The following SLC7A14 variants were observed in gnomAD, a reference collection of about 807,000 sequenced individuals.
The protein encoded by SLC7A14 is solute carrier family 7 member 14.
A neutral mutation model predicts 60.2 loss-of-function variants in SLC7A14; 37 were observed. The ratio of observed to expected loss-of-function variants is 0.61; its 90% CI spans 0.47 to 0.81. The LOEUF is 0.81. Among genes scored for constraint, SLC7A14 ranks in the 30% least tolerant of loss-of-function variants. SLC7A14 has a pLI of 0.00. For synonymous variants in SLC7A14, 399 were observed against 395.8 expected, an observed-to-expected ratio of 1.01 and a Z score of -0.10; for missense variants, 886 against 982.7, an observed-to-expected ratio of 0.90 and a Z score of 1.32.
rs143339509 is a variant in SLC7A14 at position 170,477,170 on chromosome 3, G to C, written c.1993+3119C>G. ...CCCTGGTGGGGTAGTAGGAGCCCCA[G>C]ATTTGAGCATGGGTATACTGAGTTT... On this transcript the variant is annotated intron_variant, in intron 7 of 7. Transcript: ENST00000231706. Among the ~76,000 whole-genome samples the C allele has an allele frequency of 8.0e-4, 122 of 152,356 alleles. 2 individuals are homozygous for C. The East Asian group carries it at 0.014, about 17-fold the overall frequency.
chr3:170,516,478 T>C (rs1713162078), intron 2 of SLC7A14, among the ~76,000 whole-genome samples: 1 of 151,896 alleles, frequency 6.6e-6, no homozygotes, highest in Admixed American at 6.6e-5. Context: ...ATCCCAGTAC[T>C]TTGGGAGGCT....
At position 170,480,394 on chromosome 3, in the gene SLC7A14, G is replaced by A; in HGVS notation, c.1888C>T (p.Pro630Ser). ...ENPKKLPYMA[P>S]CLPFVPAFAM... ...AAGGCAGGCACAAAGGGGAGGCAAG[G>A]GGCCATGTAGGGCAGCTTCTTGGGG... The change falls in exon 7 of 8, where the codon CCT (proline) becomes TCT (serine). Residue 630 changes from proline to serine, a missense_variant. By Grantham distance (74) the Pro-to-Ser change is moderately conservative. Coordinates refer to ENST00000231706, the MANE Select transcript of SLC7A14 (RefSeq NM_020949.3). 3 of 1,612,210 alleles carry A rather than the reference G, an allele frequency of 1.9e-6. No individual in the cohort carries two copies. The highest frequency in any genetic ancestry group is 1.7e-6 in the Non-Finnish European group (2 of 1,178,750).
At chr3:170,567,823 G>A (rs1714836272) in intron 1 of SLC7A14, among the ~76,000 whole-genome samples, 1 of 151,478 alleles carries the variant, frequency 6.6e-6, no homozygotes, top group Admixed American at 6.6e-5. Flanking sequence ...AGAAGTGTCT[G>A]TTCATGTCCT....
intron 4 of SLC7A14, among the ~76,000 whole-genome samples, chr3:170,497,087 C>CAAAAA (rs548290941): frequency 8.8e-4 from 83 of 94,042 alleles, no homozygotes; most frequent in East Asian, 1.7e-3. Context: ...TTATTTTGTC[C>CAAAAA]AAAAAAAAAA....
Position 170,525,530 on chromosome 3 carries a change from C to T in SLC7A14, c.304+1103G>A, listed in dbSNP as rs540778801. On this transcript the variant is annotated intron_variant, in intron 2 of 7. Transcript: ENST00000231706. The stretch of plus-strand genomic sequence containing the variant: ...CCTGGCTTCCTTCTCCTTGGGGGCT[C>T]GATGCCAGTTTGAGGTTTATCAAAT... 1.9e-3 allele frequency among the ~76,000 whole-genome samples: 283 copies of T among 152,138 alleles called. 1 individual carries two copies. The highest frequency in any genetic ancestry group is 3.3e-3 in the Non-Finnish European group (222 of 67,962).
intron 1 of SLC7A14, among the ~76,000 whole-genome samples, chr3:170,529,660 GC>G (rs200975666): frequency 7.9e-5 from 12 of 152,016 alleles, no homozygotes; most frequent in South Asian, 2.1e-4. Context: ...CTGAATCATG[GC>G]CCCCCCAAAT....
chr3:170,459,941 C>T lies in SLC7A14; in HGVS notation c.*7114G>A, dbSNP rs1739561172. The T allele has an allele frequency of 6.6e-6, 1 of 152,178 alleles. No individual in the cohort carries two copies. 9.4% of individuals were successfully genotyped at this position (152,178 alleles called of 1,614,324 possible). A position where few individuals can be genotyped will look rare whatever the true frequency, so the allele number is the denominator to read the frequency against. Reference sequence around the variant, plus strand: ...CTTTATGCATTTATTAAAATATACACATTTTGTTAAATTTAGAATTTTCCC... The same window carrying T: ...CTTTATGCATTTATTAAAATATACATATTTTGTTAAATTTAGAATTTTCCC... On this transcript the variant is annotated 3_prime_UTR_variant, in exon 8 of 8. Coordinates refer to ENST00000231706, the MANE Select transcript of SLC7A14 (RefSeq NM_020949.3).
chr3:170,471,246 G>GCC (rs1739899622), intron 7 of SLC7A14, among the ~76,000 whole-genome samples: 1 of 152,264 alleles, frequency 6.6e-6, no homozygotes, highest in African/African-American at 2.4e-5. Flanking sequence ...GTCTCCCCAT[G>GCC]CCCTAATCCA....
intron 1 of SLC7A14, among the ~76,000 whole-genome samples, chr3:170,549,462 C>A (rs577189694): frequency 6.6e-6 from 1 of 152,156 alleles, no homozygotes; most frequent in African/African-American, 2.4e-5. Context: ...ATTGCACCCG[C>A]CTCGGCCTCC....
At chr3:170,552,959 C>G (rs914838955) in intron 1 of SLC7A14, among the ~76,000 whole-genome samples, 1 of 152,198 alleles carries the variant, frequency 6.6e-6, no homozygotes, top group African/African-American at 2.4e-5. Flanking sequence ...CACTGCCCCT[C>G]TACCAGGTAT....
At chr3:170,543,177 G>T (rs1714071304) in intron 1 of SLC7A14, among the ~76,000 whole-genome samples, 1 of 152,138 alleles carries the variant, frequency 6.6e-6, no homozygotes, top group African/African-American at 2.4e-5. Flanking sequence ...CTGAAGCTCA[G>T]GTTGATGACA....
intron 5 of SLC7A14, among the ~76,000 whole-genome samples, chr3:170,484,881 C>G (rs13082582): frequency 0.45 from 68,089 of 151,904 alleles, 17,673 homozygotes; most frequent in Non-Finnish European, 0.58. Context: ...TGAGCCTCCT[C>G]CAGCTTCAGG....
rs957573051 is a variant in SLC7A14, at chr3:170,501,770, G to A, written c.305-425C>T. 3.0e-4 allele frequency among the ~76,000 whole-genome samples: 46 copies of A among 152,234 alleles called. 1 individual carries two copies. Among genetic ancestry groups the A allele is most frequent in the African/African-American group, 1.9e-4 (8 of 41,454 alleles). On this transcript the variant is annotated intron_variant, in intron 2 of 7. Coordinates refer to ENST00000231706, the MANE Select transcript of SLC7A14 (RefSeq NM_020949.3). The stretch of plus-strand genomic sequence containing the variant: ...ATTATAGAAGGTGCTCCTCATTTGA[G>A]AGTGATACTTTGAGCAATCTGTGAA...
At chr3:170,543,090 A>G (rs1426647544) in intron 1 of SLC7A14, among the ~76,000 whole-genome samples, 1 of 152,200 alleles carries the variant, frequency 6.6e-6, no homozygotes, top group Non-Finnish European at 1.5e-5. Flanking sequence ...TTTCAGGTCT[A>G]TCTGGACTGT....
chr3:170,567,508 CT>C (rs1714828147), intron 1 of SLC7A14, among the ~76,000 whole-genome samples: 1 of 151,694 alleles, frequency 6.6e-6, no homozygotes, highest in Admixed American at 6.6e-5. Context: ...ATTTATAGGC[CT>C]TTGGGTATAT....
intron 1 of SLC7A14, among the ~76,000 whole-genome samples, chr3:170,557,880 G>A (rs1012173019): frequency 1.1e-4 from 16 of 152,198 alleles, no homozygotes; most frequent in Non-Finnish European, 5.9e-5. Flanking sequence ...GAATAGTTTA[G>A]TGATCTTGAG....
intron 1 of SLC7A14, among the ~76,000 whole-genome samples, chr3:170,549,676 G>A (rs1714286231): frequency 6.6e-6 from 1 of 152,216 alleles, no homozygotes; most frequent in South Asian, 2.1e-4. Flanking sequence ...GCCCTGGGGA[G>A]AGGCACTTTG....
intron 5 of SLC7A14, among the ~76,000 whole-genome samples, chr3:170,485,265 T>C (rs981479192): frequency 1.3e-5 from 2 of 152,232 alleles, no homozygotes; most frequent in Admixed American, 6.5e-5. Flanking sequence ...TGTGTTTTTC[T>C]CTGGCTTCTA....
chr3:170,519,635 G>T (rs2108290328), intron 2 of SLC7A14, among the ~76,000 whole-genome samples: 1 of 152,286 alleles, frequency 6.6e-6, no homozygotes, highest in East Asian at 1.9e-4. Flanking sequence ...AATTAGCCAG[G>T]CATAGTGGTG....
Sources: allele counts gnomAD v4.1 joint callset (sites outside exome capture counted in the v4.1 genomes callset), GRCh38; gene constraint gnomAD v4.1.1; transcripts MANE v1.5; gene names NCBI Gene and HGNC (gene_info 2026-07-23, HGNC 2026-07-21).